Variants in LSAMP observed in about 807,000 individuals in gnomAD.
The protein encoded by LSAMP is limbic system associated membrane protein.
In LSAMP, 7 loss-of-function variants were observed where a neutral mutation model predicts 38.6. That is an observed-to-expected ratio of 0.18 (90% confidence interval 0.10 to 0.34). The LOEUF is 0.34. Among genes scored for constraint, LSAMP ranks in the 10% least tolerant of loss-of-function variants. The pLI, the probability that LSAMP is intolerant of heterozygous loss-of-function variation, is 1.00. For missense variants in LSAMP, 313 were observed against 420.0 expected, an observed-to-expected ratio of 0.75 and a Z score of 2.23; for synonymous variants, 154 against 166.8, an observed-to-expected ratio of 0.92 and a Z score of 0.59.
intron 1 of LSAMP, among the ~76,000 whole-genome samples, chr3:116,396,185 A>C (rs917584379): frequency 6.6e-6 from 1 of 152,214 alleles, no homozygotes; most frequent in Non-Finnish European, 1.5e-5. Context: ...TCTGTTATTC[A>C]CTAACAAAAA....
intron 1 of LSAMP, among the ~76,000 whole-genome samples, chr3:116,113,248 A>G (rs146124908): frequency 1.7e-4 from 26 of 151,458 alleles, no homozygotes; most frequent in Admixed American, 9.8e-4. Flanking sequence ...GAAAAAAAGA[A>G]TAAGAATGTT....
chr3:116,285,884 G>A (rs142130944), intron 1 of LSAMP, among the ~76,000 whole-genome samples: 1 of 152,274 alleles, frequency 6.6e-6, no homozygotes, highest in East Asian at 1.9e-4. Flanking sequence ...TTGGGAGACA[G>A]CGAAACTATG....
intron 1 of LSAMP, among the ~76,000 whole-genome samples, chr3:116,212,627 GTTTA>G (rs1350089951): frequency 4.0e-5 from 6 of 151,738 alleles, no homozygotes; most frequent in South Asian, 2.1e-4. Flanking sequence ...TACTAAAAAT[GTTTA>G]TTTAAGCATT....
chr3:116,078,750 C>T (rs188620420), intron 2 of LSAMP, among the ~76,000 whole-genome samples: 32 of 152,284 alleles, frequency 2.1e-4, no homozygotes, highest in Admixed American at 1.0e-3. Context: ...AGCTGGCTTC[C>T]GTGTACTTTT....
chr3:116,248,714 C>T (rs2046635983), intron 1 of LSAMP, among the ~76,000 whole-genome samples: 1 of 152,020 alleles, frequency 6.6e-6, no homozygotes, highest in Admixed American at 6.6e-5. Flanking sequence ...CCTTTCCTTC[C>T]CCCGACTCAC....
At chr3:116,420,979 A>G (rs998232274) in intron 1 of LSAMP, among the ~76,000 whole-genome samples, 4 of 152,244 alleles carry the variant, frequency 2.6e-5, no homozygotes, top group Non-Finnish European at 5.9e-5. Context: ...AGATCTCCAC[A>G]TTGAAAAAAA....
Position 116,225,961 on chromosome 3 carries a change from T to C in LSAMP, c.156-139405A>G, listed in dbSNP as rs147829158. ...CACCTCTACACCTTGTATTGGCTCT[T>C]TTTGCAACTTATGTTCTGTGCATCT... On this transcript the variant is annotated intron_variant, in intron 1 of 6. Coordinates refer to ENST00000490035, the MANE Select transcript of LSAMP (RefSeq NM_002338.5). Among the ~76,000 whole-genome samples the C allele has an allele frequency of 5.0e-3, 763 of 152,278 alleles. 4 individuals carry two copies. The highest frequency in any genetic ancestry group is 0.017 in the African/African-American group (723 of 41,564).
chr3:116,152,296 C>T (rs533012392), intron 1 of LSAMP, among the ~76,000 whole-genome samples: 9 of 152,228 alleles, frequency 5.9e-5, no homozygotes, highest in East Asian at 1.9e-4. Flanking sequence ...CACGTACAAA[C>T]GCATTCATTT....
At chr3:116,263,502 C>T (rs1183390988) in intron 1 of LSAMP, among the ~76,000 whole-genome samples, 1 of 149,680 alleles carries the variant, frequency 6.7e-6, no homozygotes, top group Non-Finnish European at 1.5e-5. Flanking sequence ...CGCGCCACTG[C>T]ACTCCAGCCT....
At chr3:116,144,589 T>C (rs1410964906) in intron 1 of LSAMP, among the ~76,000 whole-genome samples, 1 of 150,982 alleles carries the variant, frequency 6.6e-6, no homozygotes, top group South Asian at 2.1e-4. Flanking sequence ...ATTCTGCATC[T>C]ACAAGTTTTA....
chr3:116,042,416 T>C (rs556378599), intron 2 of LSAMP, among the ~76,000 whole-genome samples: 31 of 151,724 alleles, frequency 2.0e-4, no homozygotes, highest in African/African-American at 7.5e-4. Context: ...TCTACCAGTC[T>C]AATAAAGAGC....
At chr3:116,274,499 A>G (rs1163580723) in intron 1 of LSAMP, among the ~76,000 whole-genome samples, 1 of 152,148 alleles carries the variant, frequency 6.6e-6, no homozygotes, top group Non-Finnish European at 1.5e-5. Context: ...ATGGGTTCAC[A>G]TGAAATAAAC....
intron 1 of LSAMP, among the ~76,000 whole-genome samples, chr3:116,365,234 AT>A (rs2048335208): frequency 1.1e-5 from 1 of 89,366 alleles, no homozygotes; most frequent in Non-Finnish European, 2.2e-5. Context: ...AAAAGAAGAC[AT>A]TTATGCAGCC....
chr3:115,888,720 T>C (rs1027494386), intron 3 of LSAMP, among the ~76,000 whole-genome samples: 2 of 151,950 alleles, frequency 1.3e-5, no homozygotes, highest in Non-Finnish European at 2.9e-5. Context: ...GGAGTGCCTA[T>C]ATTGAACAAA....
Position 116,196,162 on chromosome 3 carries a change from G to A in LSAMP, c.156-109606C>T, listed in dbSNP as rs1045086520. 3.3e-5 allele frequency among the ~76,000 whole-genome samples: 5 copies of A among 152,130 alleles called. No individual in the cohort carries two copies. In the Middle Eastern group the frequency reaches 0.01, roughly 310 times the overall value. On this transcript the variant is annotated intron_variant, in intron 1 of 6. Transcript: ENST00000490035. ...AATATTCAGCTAAATTTTTATATGC[G>A]GAGGTCTTTAGCTAAATTCTGATAT...
At chr3:116,398,280 T>TA (rs2048795177) in intron 1 of LSAMP, among the ~76,000 whole-genome samples, 1 of 152,096 alleles carries the variant, frequency 6.6e-6, no homozygotes, top group Admixed American at 6.5e-5. Context: ...GAGCAAAAAG[T>TA]AAAAATACAC....
At chr3:116,071,849 G>A (rs1707613155) in intron 2 of LSAMP, among the ~76,000 whole-genome samples, 1 of 152,034 alleles carries the variant, frequency 6.6e-6, no homozygotes. Flanking sequence ...AACATGCAGT[G>A]TATGGTTTTC....
chr3:116,381,822 C>T lies in LSAMP; in HGVS notation c.155+63055G>A, dbSNP rs568562477. Among the ~76,000 whole-genome samples the T allele has an allele frequency of 2.6e-5, 4 of 152,144 alleles. No individual in the cohort carries two copies. In the South Asian group the frequency reaches 6.2e-4, roughly 24 times the overall value. ...TGTTAACATCCCCTCTTAGGAGCATCGGCATGTGAACATCAGTGTTCCAGT... is the reference window on the plus strand; with the variant it reads ...TGTTAACATCCCCTCTTAGGAGCATTGGCATGTGAACATCAGTGTTCCAGT... On this transcript the variant is annotated intron_variant, in intron 1 of 6. Coordinates refer to ENST00000490035, the MANE Select transcript of LSAMP (RefSeq NM_002338.5).
At chr3:116,440,981 A>G (rs181061057) in intron 1 of LSAMP, among the ~76,000 whole-genome samples, 2 of 152,360 alleles carry the variant, frequency 1.3e-5, no homozygotes, top group African/African-American at 4.8e-5. Flanking sequence ...AGATAAACAG[A>G]AATTTGAACA....
Sources: allele counts gnomAD v4.1 joint callset (sites outside exome capture counted in the v4.1 genomes callset), GRCh38; gene constraint gnomAD v4.1.1; transcripts MANE v1.5; gene names NCBI Gene and HGNC (gene_info 2026-07-23, HGNC 2026-07-21).